Variants in KCND2 observed in about 807,000 individuals in gnomAD.
KCND2 encodes the protein A-type voltage-gated potassium channel KCND2.
Under a neutral mutation model 54.4 loss-of-function variants are expected in KCND2, and 16 were observed. That is an observed-to-expected ratio of 0.29 (90% confidence interval 0.20 to 0.45). The LOEUF is 0.45. Among genes scored for constraint, KCND2 ranks in the 20% least tolerant of loss-of-function variants. KCND2 has a pLI of 1.00. For missense variants in KCND2, 486 were observed against 824.2 expected (o/e 0.59, Z 5.02); for synonymous variants, 317 against 310.7 (o/e 1.02, Z -0.21).
chr7:120,404,523 A>T (rs374065558), intron 1 of KCND2, among the ~76,000 whole-genome samples: 6 of 152,300 alleles, frequency 3.9e-5, no homozygotes, highest in African/African-American at 1.4e-4. Flanking sequence ...ATAGATTTGC[A>T]GGAAAAAAGA....
At position 120,410,199 on chromosome 7, in the gene KCND2, T is replaced by C. The variant is rs569102783; in HGVS notation, c.1115+134452T>C. ...ATTTGTTGAAAATCAACTGACCAAA[T>C]GTATATTGGTCAATTTTCAAACTCT... On this transcript the variant is annotated intron_variant, in intron 1 of 5. Transcript: ENST00000331113. Among the ~76,000 whole-genome samples the C allele has an allele frequency of 2.0e-5, 3 of 152,072 alleles. No homozygotes were observed. In the South Asian group the frequency reaches 6.2e-4, roughly 32 times the overall value.
chr7:120,740,652 C>CT (rs1472883002), intron 2 of KCND2, among the ~76,000 whole-genome samples: 2 of 152,072 alleles, frequency 1.3e-5, no homozygotes, highest in African/African-American at 4.8e-5. Context: ...AGTACTTTCA[C>CT]TTTAGGGATC....
chr7:120,435,808 T>A (rs1801857486), intron 1 of KCND2, among the ~76,000 whole-genome samples: 1 of 151,820 alleles, frequency 6.6e-6, no homozygotes, highest in Non-Finnish European at 1.5e-5. Context: ...TCCAATGGAG[T>A]ATGTTTGTTT....
At chr7:120,505,458 C>A (rs919275679) in intron 1 of KCND2, among the ~76,000 whole-genome samples, 18 of 151,772 alleles carry the variant, frequency 1.2e-4, no homozygotes, top group African/African-American at 4.3e-4. Flanking sequence ...AAGCTATATT[C>A]TTTTATAGTA....
At chr7:120,703,800 C>T (rs1792432870) in intron 1 of KCND2, among the ~76,000 whole-genome samples, 2 of 152,288 alleles carry the variant, frequency 1.3e-5, no homozygotes, top group South Asian at 4.1e-4. Context: ...CCACAGTAAC[C>T]AACAAGGGCT....
chr7:120,503,385 T>TGAGAGA (rs58222636), intron 1 of KCND2, among the ~76,000 whole-genome samples: 162 of 146,660 alleles, frequency 1.1e-3, no homozygotes, highest in African/African-American at 2.4e-3. Context: ...GTCTCTAGAG[T>TGAGAGA]GAGAGAGAGA....
chr7:120,522,865 A>T (rs1422996268), intron 1 of KCND2, among the ~76,000 whole-genome samples: 1 of 152,124 alleles, frequency 6.6e-6, no homozygotes, highest in East Asian at 1.9e-4. Context: ...CACTTTATGG[A>T]AATACTAAAT....
upstream of KCND2, among the ~76,000 whole-genome samples, chr7:120,273,153 G>T (rs570373700): frequency 1.3e-5 from 2 of 152,282 alleles, no homozygotes; most frequent in Admixed American, 1.3e-4. Context: ...TCAAGCCGAG[G>T]GAAAGGCAGG....
chr7:120,362,495 A>C (rs944909959), intron 1 of KCND2, among the ~76,000 whole-genome samples: 1 of 152,140 alleles, frequency 6.6e-6, no homozygotes, highest in Admixed American at 6.6e-5. Context: ...CTGGCATTTA[A>C]TTGTATTTCC....
intron 1 of KCND2, among the ~76,000 whole-genome samples, chr7:120,353,276 G>T (rs376191078): frequency 6.6e-6 from 1 of 151,416 alleles, no homozygotes; most frequent in Non-Finnish European, 1.5e-5. Context: ...TGAATATTGC[G>T]CCATTTAGAT....
At chr7:120,387,210 G>C (rs527262941) in intron 1 of KCND2, among the ~76,000 whole-genome samples, 2 of 152,094 alleles carry the variant, frequency 1.3e-5, no homozygotes, top group Admixed American at 1.3e-4. Flanking sequence ...GAATAACTGA[G>C]TGACACAGTG....
At chr7:120,493,921 TG>T (rs1249812896) in intron 1 of KCND2, among the ~76,000 whole-genome samples, 1 of 152,136 alleles carries the variant, frequency 6.6e-6, no homozygotes, top group Non-Finnish European at 1.5e-5. Flanking sequence ...ATTTACATAA[TG>T]GAATTTTAAA....
intron 1 of KCND2, among the ~76,000 whole-genome samples, chr7:120,485,942 G>T (rs1458828039): frequency 6.6e-6 from 1 of 152,118 alleles, no homozygotes; most frequent in African/African-American, 2.4e-5. Context: ...TGCATGAACA[G>T]GTCTGAACTG....
intron 1 of KCND2, among the ~76,000 whole-genome samples, chr7:120,323,751 A>G (rs1222442971): frequency 1.5e-5 from 2 of 134,688 alleles, no homozygotes; most frequent in African/African-American, 2.9e-5. Context: ...TAATGCTGCA[A>G]TAAACATACG....
At chr7:120,363,008 C>A (rs111783502) in intron 1 of KCND2, among the ~76,000 whole-genome samples, 10 of 151,932 alleles carry the variant, frequency 6.6e-5, no homozygotes, top group East Asian at 5.8e-4. Context: ...CTTGTATAAA[C>A]CCTTGGAAGT....
chr7:120,295,890 T>C (rs1799507023), intron 1 of KCND2, among the ~76,000 whole-genome samples: 1 of 152,000 alleles, frequency 6.6e-6, no homozygotes, highest in Non-Finnish European at 1.5e-5. Flanking sequence ...CACCCCTCTA[T>C]CTACAGTCTT....
chr7:120,313,359 A>C (rs1365235313), intron 1 of KCND2, among the ~76,000 whole-genome samples: 1 of 152,216 alleles, frequency 6.6e-6, no homozygotes, highest in Non-Finnish European at 1.5e-5. Flanking sequence ...ATGCATGACA[A>C]TTAAATAGAT....
chr7:120,384,030 A>G (rs1469336243), intron 1 of KCND2, among the ~76,000 whole-genome samples: 2 of 152,088 alleles, frequency 1.3e-5, no homozygotes, highest in Admixed American at 1.3e-4. Flanking sequence ...AAAATCTGTG[A>G]GTGCTCAGGT....
chr7:120,284,871 A>G (rs1799316948), intron 1 of KCND2, among the ~76,000 whole-genome samples: 1 of 152,122 alleles, frequency 6.6e-6, no homozygotes, highest in South Asian at 2.1e-4. Context: ...AATATTAAAA[A>G]CATAACAGAG....
Sources: gnomAD v4.1 joint callset for allele counts (sites outside exome capture counted in the v4.1 genomes callset) on GRCh38, gnomAD v4.1.1 for gene constraint, MANE v1.5 for transcripts, NCBI Gene and HGNC (gene_info 2026-07-23, HGNC 2026-07-21) for gene names.